RIMS2: variants seen among roughly 807,000 people sequenced by gnomAD.
The protein encoded by RIMS2 is regulating synaptic membrane exocytosis protein 2.
Under a neutral mutation model 174.4 loss-of-function variants are expected in RIMS2, and 59 were observed. The ratio of observed to expected loss-of-function variants is 0.34; its 90% confidence interval spans 0.27 to 0.42. The LOEUF (loss-of-function observed/expected upper bound fraction) is 0.42. Among genes scored for constraint, RIMS2 ranks in the 10% least tolerant of loss-of-function variants. The probability of loss-of-function intolerance (pLI) is 1.00; values close to 1 mark genes in which losing one functional copy is unlikely to be tolerated. For synonymous variants in RIMS2, 606 were observed against 572.5 expected (o/e 1.06, Z -0.84); for missense variants, 1,620 against 1,666.3 (o/e 0.97, Z 0.48).
At chr8:103,501,191 T>G in intron 1 of RIMS2, 129 bp downstream of exon 1, 1 of 587,394 alleles carries the variant, frequency 1.7e-6, no homozygotes. Context: ...CCACGAGGGC[T>G]GCGGCCAGCG....
At chr8:104,047,071 TAAAAG>T (rs1462159113) in intron 19 of RIMS2, among the ~76,000 whole-genome samples, 2 of 151,948 alleles carry the variant, frequency 1.3e-5, no homozygotes, top group African/African-American at 4.8e-5. Context: ...AATATTCAAA[TAAAAG>T]AAAAGAGTTA....
At chr8:104,017,824 C>T (rs1597204706) in intron 19 of RIMS2, among the ~76,000 whole-genome samples, 1 of 152,094 alleles carries the variant, frequency 6.6e-6, no homozygotes, top group East Asian at 1.9e-4. Context: ...GTCTGTAATC[C>T]CAGCACTTTG....
chr8:103,722,592 A>G (rs1301865941), intron 2 of RIMS2, among the ~76,000 whole-genome samples: 1 of 152,160 alleles, frequency 6.6e-6, no homozygotes, highest in Non-Finnish European at 1.5e-5. Flanking sequence ...CTCAGATGGT[A>G]ATGCAAGGCG....
chr8:103,693,123 C>T (rs1193275627), intron 1 of RIMS2, among the ~76,000 whole-genome samples: 3 of 152,126 alleles, frequency 2.0e-5, no homozygotes, highest in African/African-American at 7.2e-5. Context: ...TGAGGGGTGG[C>T]TGAGTTCTGC....
intron 3 of RIMS2, among the ~76,000 whole-genome samples, chr8:103,831,658 G>A (rs1368650810): frequency 6.6e-6 from 1 of 151,968 alleles, no homozygotes; most frequent in South Asian, 2.1e-4. Context: ...CCATTTTGGG[G>A]GCATCTATTC....
At chr8:103,603,260 T>C (rs555201295) in intron 1 of RIMS2, among the ~76,000 whole-genome samples, 2 of 151,550 alleles carry the variant, frequency 1.3e-5, no homozygotes, top group Non-Finnish European at 2.9e-5. Context: ...TGGTTTTTTG[T>C]TCTTGCGATA....
chr8:104,064,310 AT>A (rs894923593), intron 19 of RIMS2, among the ~76,000 whole-genome samples: 4 of 152,044 alleles, frequency 2.6e-5, no homozygotes, highest in South Asian at 4.2e-4. Context: ...AAAATATTGG[AT>A]TTTTTTTCGT....
intron 1 of RIMS2, among the ~76,000 whole-genome samples, chr8:103,571,577 G>GTATATGTA (rs2092808600): frequency 6.6e-6 from 1 of 151,976 alleles, no homozygotes; most frequent in Admixed American, 6.6e-5. Flanking sequence ...ATATTTGTGT[G>GTATATGTA]TATATGTATA....
In RIMS2 at chr8:103,977,558, G is replaced by A. The variant is rs576964738; in HGVS notation, c.2927+2052G>A. ...GTGGGGATTTTTTCCCACACCAAGC[G>A]ACTTGCCAGCAGAAAGCACCTGAGT... On this transcript the variant is annotated intron_variant, in intron 16 of 23. Coordinates refer to ENST00000504942, the Ensembl canonical transcript of RIMS2. The A allele has an allele frequency of 1.6e-4, 24 of 152,234 alleles. No individual in the cohort carries two copies. The East Asian group carries it at 1.9e-3, about 12-fold the overall frequency. 9.4% of individuals were successfully genotyped at this position (152,234 alleles called of 1,614,324 possible).
chr8:103,817,935 G>T (rs1038021221), intron 3 of RIMS2, among the ~76,000 whole-genome samples: 1 of 151,988 alleles, frequency 6.6e-6, no homozygotes, highest in African/African-American at 2.4e-5. Context: ...TTTTAGGTAT[G>T]TATGTGTGTT....
intron 1 of RIMS2, among the ~76,000 whole-genome samples, chr8:103,607,068 C>T (rs1488016737): frequency 1.3e-5 from 2 of 151,262 alleles, no homozygotes; most frequent in South Asian, 2.1e-4. Context: ...TTATTTTGCT[C>T]GTTAGTTGAT....
chr8:104,104,743 A>G (rs951694925), intron 19 of RIMS2, among the ~76,000 whole-genome samples: 3 of 151,946 alleles, frequency 2.0e-5, no homozygotes, highest in African/African-American at 7.3e-5. Context: ...TTAGCCAGGC[A>G]CAGTGGTGCA....
At chr8:103,526,632 A>C (rs897570939) in intron 1 of RIMS2, among the ~76,000 whole-genome samples, 1 of 152,248 alleles carries the variant, frequency 6.6e-6, no homozygotes, top group African/African-American at 2.4e-5. Context: ...AAGAACTGAA[A>C]AAGGTAATAA....
intron 13 of RIMS2, among the ~76,000 whole-genome samples, chr8:103,940,701 A>T (rs6468899): frequency 6.6e-6 from 1 of 151,650 alleles, no homozygotes; most frequent in Middle Eastern, 3.2e-3. Context: ...TGTGGCAAAA[A>T]CCTGTCTCTA....
intron 19 of RIMS2, among the ~76,000 whole-genome samples, chr8:104,114,372 T>C (rs2098245964): frequency 6.6e-6 from 1 of 152,004 alleles, no homozygotes; most frequent in Non-Finnish European, 1.5e-5. Context: ...CATAATGCAT[T>C]CATCTTGTAT....
chr8:103,970,530 A>G (rs904517836), intron 15 of RIMS2, among the ~76,000 whole-genome samples: 3 of 152,252 alleles, frequency 2.0e-5, no homozygotes, highest in East Asian at 1.9e-4. Context: ...GAGTCTCACA[A>G]TATTGTAAGA....
chr8:103,840,841 G>T (rs1412891089), intron 3 of RIMS2, among the ~76,000 whole-genome samples: 1 of 152,166 alleles, frequency 6.6e-6, no homozygotes, highest in African/African-American at 2.4e-5. Context: ...GCAGCTGCTG[G>T]AAGGTACACT....
chr8:103,539,404 A>G (rs1037445915), intron 1 of RIMS2, among the ~76,000 whole-genome samples: 14 of 152,232 alleles, frequency 9.2e-5, no homozygotes, highest in African/African-American at 3.4e-4. Context: ...AAACTGAAAT[A>G]GGCCTGAGAG....
In RIMS2 at chr8:103,653,601, G is replaced by C. The variant is rs569776619; in HGVS notation, c.177-43485G>C. Among the ~76,000 whole-genome samples the C allele has an allele frequency of 4.6e-5, 7 of 152,210 alleles. No individual in the cohort carries two copies. In the South Asian group the frequency reaches 1.4e-3, roughly 32 times the overall value. On this transcript the variant is annotated intron_variant, in intron 1 of 23. Transcript: ENST00000504942. Reference sequence around the variant, plus strand: ...CTCCAGGAGAGAATGAGAATGACGAGTATGATGAAACACTCAGAAAAACAT... The same window carrying C: ...CTCCAGGAGAGAATGAGAATGACGACTATGATGAAACACTCAGAAAAACAT...
Sources: gnomAD v4.1 joint callset for allele counts (sites outside exome capture counted in the v4.1 genomes callset) on GRCh38, gnomAD v4.1.1 for gene constraint, MANE v1.5 for transcripts, NCBI Gene and HGNC (gene_info 2026-07-23, HGNC 2026-07-21) for gene names.